Variants in OR9Q1 observed in about 807,000 individuals in gnomAD.
OR9Q1 encodes the protein olfactory receptor family 9 subfamily Q member 1.
For missense variants in OR9Q1, 374 were observed against 378.8 expected, an observed-to-expected ratio of 0.99 and a Z score of 0.11; for synonymous variants, 153 against 148.6, an observed-to-expected ratio of 1.03 and a Z score of -0.22.
Position 58,179,758 on chromosome 11 carries a change from CCTT to C in OR9Q1, c.318_320del (p.Phe107del). The C allele has an allele frequency of 6.2e-7, 1 of 1,614,216 alleles. No homozygotes were observed. Among genetic ancestry groups the C allele is most frequent in the African/African-American group, 1.3e-5 (1 of 75,074 alleles). On this transcript the variant is annotated inframe_deletion, in exon 3 of 3. Coordinates refer to ENST00000335397, the MANE Select transcript of OR9Q1 (RefSeq NM_001005212.4). ...TGTGCTGCTCAGTTCTTTCTGTTCA[CCTT>C]CTTTGGTTCCATCGACTGCTACCTC...
At position 58,181,098 on chromosome 11, in the gene OR9Q1, A is replaced by G. The variant is rs1854661247; in HGVS notation, c.*721A>G. ...AACTTTTAACAATGCCTACAATAAC[A>G]TGTCTGTCAATTGCTATCACCTCTG... is the stretch of plus-strand genomic sequence containing the variant. On this transcript the variant is annotated 3_prime_UTR_variant, in exon 3 of 3. Coordinates refer to ENST00000335397, the MANE Select transcript of OR9Q1 (RefSeq NM_001005212.4). 1 of 167,030 alleles carries G rather than the reference A, an allele frequency of 6.0e-6. No individual in the cohort carries two copies. Among genetic ancestry groups the G allele is most frequent in the Non-Finnish European group, 1.5e-5 (1 of 68,114 alleles). 10.3% of individuals were successfully genotyped at this position (167,030 alleles called of 1,614,324 possible).
intron 2 of OR9Q1, among the ~76,000 whole-genome samples, chr11:58,091,530 C>G (rs991153749): frequency 6.6e-6 from 1 of 152,088 alleles, no homozygotes; most frequent in South Asian, 2.1e-4. Context: ...GATTTCTGCA[C>G]TTTTGCATTT....
At position 58,032,831 on chromosome 11, in the gene OR9Q1, A is replaced by C. The variant is rs1019768756; in HGVS notation, c.-93+8727A>C. 5.9e-5 allele frequency among the ~76,000 whole-genome samples: 9 copies of C among 152,336 alleles called. No homozygotes were observed. The East Asian group carries it at 1.7e-3, about 29-fold the overall frequency. Reference sequence around the variant, plus strand: ...GACATGACAAACAGGTAAACTACCAAATAAAAGAAAATATTCGCAAACTAT... The same window carrying C: ...GACATGACAAACAGGTAAACTACCACATAAAAGAAAATATTCGCAAACTAT... On this transcript the variant is annotated intron_variant, in intron 1 of 2. Transcript: ENST00000335397.
chr11:58,040,539 G>A (rs149243763), intron 1 of OR9Q1, among the ~76,000 whole-genome samples: 1 of 152,338 alleles, frequency 6.6e-6, no homozygotes, highest in East Asian at 1.9e-4. Flanking sequence ...TGTATGAGGT[G>A]CTGGCTGGGT....
chr11:58,096,672 C>G (rs959216954), intron 2 of OR9Q1, among the ~76,000 whole-genome samples: 19 of 147,078 alleles, frequency 1.3e-4, no homozygotes, highest in Middle Eastern at 3.7e-3. Context: ...ACCATACACA[C>G]CGGGCTAATT....
chr11:58,078,635 T>A (rs1853561646), intron 2 of OR9Q1: 1 of 152,222 alleles, frequency 6.6e-6, no homozygotes, highest in South Asian at 2.1e-4. Context: ...TCTCTGAGAT[T>A]GGAAATAGAA....
chr11:58,095,007 A>C (rs1436173026), intron 2 of OR9Q1, among the ~76,000 whole-genome samples: 1 of 152,252 alleles, frequency 6.6e-6, no homozygotes, highest in African/African-American at 2.4e-5. Flanking sequence ...TTGTTGAGTA[A>C]CATGCACTTC....
At chr11:58,056,917 CAAGA>C (rs568744754) in intron 2 of OR9Q1, among the ~76,000 whole-genome samples, 123 of 151,722 alleles carry the variant, frequency 8.1e-4, no homozygotes, top group African/African-American at 2.8e-3. Context: ...TCTAAGGCTC[CAAGA>C]AGCACACTGT....
At chr11:58,024,505 C>G (rs540291368) in intron 1 of OR9Q1, among the ~76,000 whole-genome samples, 10 of 152,310 alleles carry the variant, frequency 6.6e-5, no homozygotes, top group Non-Finnish European at 1.2e-4. Flanking sequence ...GCTACACAAG[C>G]AAATAGCTAC....
At chr11:58,161,694 G>A (rs1049230142) in intron 2 of OR9Q1, among the ~76,000 whole-genome samples, 4 of 151,910 alleles carry the variant, frequency 2.6e-5, no homozygotes, top group Non-Finnish European at 5.9e-5. Flanking sequence ...CAGGTGCCTG[G>A]CTAATTTTTG....
chr11:58,061,864 G>A (rs1385350936), intron 2 of OR9Q1, among the ~76,000 whole-genome samples: 1 of 152,186 alleles, frequency 6.6e-6, no homozygotes, highest in Non-Finnish European at 1.5e-5. Context: ...CTTCAGAAAT[G>A]TCTCGGTTCA....
At chr11:58,149,160 A>G (rs1473695409) in intron 2 of OR9Q1, among the ~76,000 whole-genome samples, 4 of 152,210 alleles carry the variant, frequency 2.6e-5, no homozygotes, top group Admixed American at 2.6e-4. Context: ...TACCCTTACT[A>G]AATATGCTTC....
chr11:58,084,419 G>C (rs543610757), intron 2 of OR9Q1, among the ~76,000 whole-genome samples: 2 of 151,862 alleles, frequency 1.3e-5, no homozygotes, highest in African/African-American at 2.4e-5. Flanking sequence ...GAGGAGGAGG[G>C]ACTCCTCCAT....
chr11:58,104,139 A>G (rs1011781455), intron 2 of OR9Q1, among the ~76,000 whole-genome samples: 1 of 152,202 alleles, frequency 6.6e-6, no homozygotes, highest in African/African-American at 2.4e-5. Flanking sequence ...GTGAAATACA[A>G]TGTAGCCTAA....
Position 58,180,234 on chromosome 11 carries a change from G to A in OR9Q1, c.790G>A (p.Asp264Asn), listed in dbSNP as rs771607323. ...CTTCATGTACTTGAGAGGTAACTCA[G>A]ATCAGTCTTCGGAGAAGAATCGGGT... Reference protein sequence around the residue: ...LIFMYLRGNSDQSSEKNRVVS... With the variant: ...LIFMYLRGNSNQSSEKNRVVS... Residue 264 changes from aspartate (D) to asparagine (N), a missense_variant, in exon 3 of 3, where the codon GAT becomes AAT. Physicochemically the swap from Asp to Asn is conservative, Grantham distance 23. Coordinates refer to ENST00000335397, the MANE Select transcript of OR9Q1 (RefSeq NM_001005212.4). 1 of 1,614,132 alleles carries A rather than the reference G, an allele frequency of 6.2e-7. No individual in the cohort carries two copies. The highest frequency in any genetic ancestry group is 1.1e-5 in the South Asian group (1 of 91,076).
chr11:58,173,590 TA>T, intron 2 of OR9Q1, among the ~76,000 whole-genome samples: 1 of 152,192 alleles, frequency 6.6e-6, no homozygotes, highest in Non-Finnish European at 1.5e-5. Context: ...AGTGTCATGG[TA>T]TTTTCTAAGA....
At chr11:58,075,972 G>T (rs1853535352) in intron 2 of OR9Q1, among the ~76,000 whole-genome samples, 1 of 152,124 alleles carries the variant, frequency 6.6e-6, no homozygotes, top group Non-Finnish European at 1.5e-5. Flanking sequence ...TACAAATCTA[G>T]CCTGCTGCCT....
intron 1 of OR9Q1, chr11:58,043,982 T>A (rs1461041847): frequency 1.3e-5 from 2 of 152,192 alleles, no homozygotes; most frequent in African/African-American, 4.8e-5. Flanking sequence ...CCAGTTGATA[T>A]CTGTTGAATG....
rs578058659 is a variant in OR9Q1 at position 58,163,872 on chromosome 11, A to G, written c.-14-15559A>G. On this transcript the variant is annotated intron_variant, in intron 2 of 2. Coordinates refer to ENST00000335397, the MANE Select transcript of OR9Q1 (RefSeq NM_001005212.4). ...TAAATGATTCCTCATGGGACAAGTC[A>G]GAACTAGAATTCAGGCTCCCTTAAC... Among the ~76,000 whole-genome samples, 4 of 152,354 alleles carry G rather than the reference A, an allele frequency of 2.6e-5. No homozygotes were observed. The East Asian group carries it at 7.7e-4, about 29-fold the overall frequency.
Sources: allele counts gnomAD v4.1 joint callset (sites outside exome capture counted in the v4.1 genomes callset), GRCh38; gene constraint gnomAD v4.1.1; transcripts MANE v1.5; gene names NCBI Gene and HGNC (gene_info 2026-07-23, HGNC 2026-07-21).